Variants in PCDHGA5 observed in about 807,000 individuals in gnomAD.
The protein encoded by PCDHGA5 is protocadherin gamma subfamily A, 5, also known as protocadherin gamma-A5.
Under a neutral mutation model 56.7 loss-of-function variants are expected in PCDHGA5, and 36 were observed. The observed-to-expected ratio is 0.64, with a 90% CI of 0.49 to 0.84. The LOEUF (loss-of-function observed/expected upper bound fraction) is 0.84. Among genes scored for constraint, PCDHGA5 ranks in the 40% least tolerant of loss-of-function variants. The pLI, the probability that PCDHGA5 is intolerant of heterozygous loss-of-function variation, is 0.00. For missense variants in PCDHGA5, 1,305 were observed against 1,201.5 expected (o/e 1.09, Z -1.27); for synonymous variants, 563 against 520.2 (o/e 1.08, Z -1.12).
intron 1 of PCDHGA5, among the ~76,000 whole-genome samples, chr5:141,458,063 G>A (rs1011861177): frequency 1.3e-5 from 2 of 152,190 alleles, no homozygotes; most frequent in African/African-American, 4.8e-5. Context: ...CTGCACTGAT[G>A]CGAACAACTA....
chr5:141,419,037 A>G, intron 1 of PCDHGA5: 1 of 1,613,972 alleles, frequency 6.2e-7, no homozygotes, highest in Middle Eastern at 1.6e-4. Flanking sequence ...GTTCCATTTA[A>G]GATTCATTCT....
In PCDHGA5 at chr5:141,365,685, TC is replaced by T. The variant is rs770206035; in HGVS notation, c.1358del (p.Pro453LeufsTer22). 2.5e-6 allele frequency: 4 copies of T among 1,613,270 alleles called. No homozygotes were observed. The South Asian group carries it at 4.4e-5, about 18-fold the overall frequency. On this transcript the variant is annotated frameshift_variant, in exon 1 of 4. Coordinates refer to ENST00000518069, the MANE Select transcript of PCDHGA5 (RefSeq NM_018918.3). LOFTEE classifies it high-confidence loss of function. Reference protein sequence around the residue: ...VADVNDNPPNFPQASYSTSVT... With the variant: ...VADVNDNPPNXPQASYSTSVT... The stretch of plus-strand genomic sequence containing the variant: ...GACGTTAATGACAACCCACCCAATT[TC>T]CCTCAAGCCTCCTACTCCACCTCTG...
chr5:141,469,372 C>T (rs780872014), intron 1 of PCDHGA5, among the ~76,000 whole-genome samples: 2 of 151,990 alleles, frequency 1.3e-5, no homozygotes, highest in African/African-American at 2.4e-5. Context: ...GTAAAGAGAT[C>T]GAGACCATCC....
At chr5:141,478,864 A>G in intron 1 of PCDHGA5, 1 of 1,322,156 alleles carries the variant, frequency 7.6e-7, no homozygotes, top group Non-Finnish European at 1.0e-6. Flanking sequence ...GATCTCAGCG[A>G]TCAGAGTTTA....
chr5:141,486,029 C>G lies in PCDHGA5; in HGVS notation c.2422-8778C>G. Reference sequence around the variant, plus strand: ...CACCTTTTATTTCAGTGGTCATACCCCTGATCGTGTAAGAAACCTCTTTAG... The same window carrying G: ...CACCTTTTATTTCAGTGGTCATACCGCTGATCGTGTAAGAAACCTCTTTAG... On this transcript the variant is annotated intron_variant, in intron 1 of 3. Transcript: ENST00000518069. The surrounding 1 kb of genome is among the most constrained non-coding windows in gnomAD (Gnocchi z 5.0). 6.2e-7 allele frequency: 1 copy of G among 1,614,016 alleles called. No homozygotes were observed. Among genetic ancestry groups the G allele is most frequent in the Non-Finnish European group, 8.5e-7 (1 of 1,179,900 alleles).
chr5:141,431,736 G>T lies in PCDHGA5; in HGVS notation c.2422-63071G>T. On this transcript the variant is annotated intron_variant, in intron 1 of 3. Transcript: ENST00000518069. The surrounding 1 kb of genome is among the most constrained non-coding windows in gnomAD (Gnocchi z 4.8). ...GAAGTGCAAGCAATGGATAATGCAG[G>T]ATATTCTGCGCGAGCCAAAGTCCTG... 1 of 1,614,218 alleles carries T rather than the reference G, an allele frequency of 6.2e-7. No individual in the cohort carries two copies. The highest frequency in any genetic ancestry group is 8.5e-7 in the Non-Finnish European group (1 of 1,180,046).
intron 1 of PCDHGA5, among the ~76,000 whole-genome samples, chr5:141,447,954 CGGACACCTA>C (rs2098556369): frequency 6.6e-6 from 1 of 151,814 alleles, no homozygotes; most frequent in Non-Finnish European, 1.5e-5. Context: ...GGCATGGTGG[CGGACACCTA>C]TAATCCCAGC....
At chr5:141,414,691 T>A (rs2095777481) in intron 1 of PCDHGA5, 1 of 1,613,848 alleles carries the variant, frequency 6.2e-7, no homozygotes, top group African/African-American at 1.3e-5. Context: ...GGTACCTCTG[T>A]CCTCATACAT....
At chr5:141,389,944 A>T in intron 1 of PCDHGA5, 1 of 1,613,974 alleles carries the variant, frequency 6.2e-7, no homozygotes, top group East Asian at 2.2e-5. Context: ...GCTGAGCTGC[A>T]GTTTTACCTA....
intron 1 of PCDHGA5, among the ~76,000 whole-genome samples, chr5:141,488,661 G>T (rs573211567): frequency 6.6e-6 from 1 of 152,246 alleles, no homozygotes; most frequent in African/African-American, 2.4e-5. Context: ...GGAGGGTGGG[G>T]GAATACATGG....
chr5:141,502,491 T>G lies in PCDHGA5; in HGVS notation c.2481-2902T>G, dbSNP rs557202239. Among the ~76,000 whole-genome samples, 1,415 of 152,344 alleles carry G rather than the reference T, an allele frequency of 9.3e-3. 29 individuals carry two copies. The highest frequency in any genetic ancestry group is 0.033 in the African/African-American group (1,352 of 41,578). ...TCCCGCAGCATCACACTGGGACTCA[T>G]CTAACGTCGGCCTGTCCCACTATCA... is the stretch of plus-strand genomic sequence containing the variant. On this transcript the variant is annotated intron_variant, in intron 2 of 3. Transcript: ENST00000518069.
intron 2 of PCDHGA5, among the ~76,000 whole-genome samples, chr5:141,502,866 C>CTTTTTTCTT (rs2099816532): frequency 7.8e-6 from 1 of 128,046 alleles, no homozygotes; most frequent in African/African-American, 3.1e-5. Context: ...GACTCTCTGT[C>CTTTTTTCTT]TTTTTTTTTT....
chr5:141,387,143 G>A (rs1310461267), intron 1 of PCDHGA5, among the ~76,000 whole-genome samples: 3 of 152,158 alleles, frequency 2.0e-5, no homozygotes, highest in Admixed American at 6.5e-5. Flanking sequence ...TATTGGGAAG[G>A]GGGTGTATTT....
At chr5:141,393,617 C>A (rs746699091) in intron 1 of PCDHGA5, 4 of 1,613,770 alleles carry the variant, frequency 2.5e-6, no homozygotes, top group African/African-American at 2.7e-5. Context: ...CAGCCAGCGA[C>A]CCGGATGAGG....
At chr5:141,452,193 GT>G (rs1375451557) in intron 1 of PCDHGA5, among the ~76,000 whole-genome samples, 1 of 151,990 alleles carries the variant, frequency 6.6e-6, no homozygotes, top group Non-Finnish European at 1.5e-5. Context: ...ACCTCAAATT[GT>G]TTTAGATGTT....
chr5:141,428,065 C>T lies in PCDHGA5; in HGVS notation c.2421+61314C>T, dbSNP rs1028782772. 6 of 1,609,086 alleles carry T rather than the reference C, an allele frequency of 3.7e-6. No individual in the cohort carries two copies. The African/African-American group carries it at 6.7e-5, about 18-fold the overall frequency. ...GTGACCAAGGTGGTGGCGGTGGACGCAGATTCGGGACACAACGCTTGGCTG... is the reference window on the plus strand; with the variant it reads ...GTGACCAAGGTGGTGGCGGTGGACGTAGATTCGGGACACAACGCTTGGCTG... On this transcript the variant is annotated intron_variant, in intron 1 of 3. Coordinates refer to ENST00000518069, the MANE Select transcript of PCDHGA5 (RefSeq NM_018918.3).
chr5:141,490,597 C>T lies in PCDHGA5; in HGVS notation c.2422-4210C>T, dbSNP rs781077720. Reference sequence around the variant, plus strand: ...TTCAGATGTCAATGACAATGCACCCCGCTTCAACCAGCAGCTTTACACTGC... The same window carrying T: ...TTCAGATGTCAATGACAATGCACCCTGCTTCAACCAGCAGCTTTACACTGC... On this transcript the variant is annotated intron_variant, in intron 1 of 3. Coordinates refer to ENST00000518069, the MANE Select transcript of PCDHGA5 (RefSeq NM_018918.3). The surrounding 1 kb of genome is among the most constrained non-coding windows in gnomAD (Gnocchi z 5.4). The T allele has an allele frequency of 1.2e-5, 20 of 1,614,182 alleles. No homozygotes were observed. The highest frequency in any genetic ancestry group is 3.3e-5 in the Admixed American group (2 of 60,026).
Position 141,490,241 on chromosome 5 carries a change from G to T in PCDHGA5, c.2422-4566G>T. 2 of 1,614,246 alleles carry T rather than the reference G, an allele frequency of 1.2e-6. No individual in the cohort carries two copies. Among genetic ancestry groups the T allele is most frequent in the Non-Finnish European group, 1.7e-6 (2 of 1,180,048 alleles). On this transcript the variant is annotated intron_variant, in intron 1 of 3. Transcript: ENST00000518069. This position sits in a 1 kb window ranked among gnomAD's most constrained non-coding sequence, Gnocchi z 5.4. Reference sequence around the variant, plus strand: ...GGACAGCCTGCCATGGAGGGCCACTGTGTGATTCAAGTGGATGTGGGGGAT... The same window carrying T: ...GGACAGCCTGCCATGGAGGGCCACTTTGTGATTCAAGTGGATGTGGGGGAT...
intron 1 of PCDHGA5, chr5:141,419,265 C>G: frequency 6.2e-7 from 1 of 1,614,040 alleles, no homozygotes; most frequent in Non-Finnish European, 8.5e-7. Context: ...CAGCCGGGTG[C>G]CTCCATAGCG....
Sources: allele counts gnomAD v4.1 joint callset (sites outside exome capture counted in the v4.1 genomes callset), GRCh38; gene constraint gnomAD v4.1.1; non-coding constraint Gnocchi (gnomAD v3.1); transcripts MANE v1.5; gene names NCBI Gene and HGNC (gene_info 2026-07-23, HGNC 2026-07-21).